The following ARID1B variants were observed in gnomAD, a reference collection of about 807,000 sequenced individuals.
ARID1B encodes the protein AT-rich interaction domain 1B.
A neutral mutation model predicts 212.3 loss-of-function variants in ARID1B; 30 were observed. The observed-to-expected ratio is 0.14, with a 90% CI of 0.11 to 0.19. The LOEUF is 0.19. Among genes scored for constraint, ARID1B ranks in the 10% least tolerant of loss-of-function variants. ARID1B has a pLI of 1.00. For missense variants in ARID1B, 2,891 were observed against 3,204.0 expected (o/e 0.90, Z 2.36); for synonymous variants, 1,402 against 1,301.7 (o/e 1.08, Z -1.66).
intron 2 of ARID1B, 78 bp downstream of exon 2, chr6:156,829,499 G>A (rs1345651290): frequency 2.0e-5 from 28 of 1,401,242 alleles, no homozygotes; most frequent in Non-Finnish European, 2.7e-5. Flanking sequence ...TAAGATTGAT[G>A]TTAAAGAGAA....
At chr6:156,951,271 A>G (rs953786418) in intron 4 of ARID1B, among the ~76,000 whole-genome samples, 1 of 152,212 alleles carries the variant, frequency 6.6e-6, no homozygotes, top group Admixed American at 6.5e-5. Context: ...GACTGCTCCA[A>G]GCGGATTACA....
chr6:157,004,561 T>G (rs1011045512), intron 4 of ARID1B, among the ~76,000 whole-genome samples: 1 of 152,188 alleles, frequency 6.6e-6, no homozygotes, highest in African/African-American at 2.4e-5. Context: ...TTTTGAAATT[T>G]TAAAACATAC....
At chr6:157,154,317 G>A (rs2128650607) in intron 8 of ARID1B, among the ~76,000 whole-genome samples, 1 of 152,278 alleles carries the variant, frequency 6.6e-6, no homozygotes, top group African/African-American at 2.4e-5. Context: ...TGAGTGACTT[G>A]AGATTGTGTC....
chr6:156,835,809 A>G (rs973803071), intron 2 of ARID1B, among the ~76,000 whole-genome samples: 2 of 152,088 alleles, frequency 1.3e-5, no homozygotes, highest in Non-Finnish European at 2.9e-5. Flanking sequence ...TGGCATGAAC[A>G]TGGCTCACTG....
intron 9 of ARID1B, chr6:157,168,840 G>A (rs1791510971): frequency 6.6e-6 from 1 of 152,186 alleles, no homozygotes; most frequent in South Asian, 2.1e-4. Context: ...GGGTGGTAGT[G>A]TATTTTTTTA....
intron 4 of ARID1B, among the ~76,000 whole-genome samples, chr6:157,073,833 G>A (rs1228406271): frequency 2.0e-5 from 3 of 152,210 alleles, no homozygotes; most frequent in Admixed American, 6.5e-5. Flanking sequence ...AGATCTTGGT[G>A]CCAGACAGAT....
chr6:156,820,547 A>G (rs1006619431), intron 1 of ARID1B, among the ~76,000 whole-genome samples: 1 of 152,216 alleles, frequency 6.6e-6, no homozygotes, highest in African/African-American at 2.4e-5. Context: ...AAAGAGATTT[A>G]GGAAGTTCTT....
chr6:157,101,525 A>T (rs1786046520), intron 5 of ARID1B, among the ~76,000 whole-genome samples: 1 of 152,220 alleles, frequency 6.6e-6, no homozygotes, highest in Non-Finnish European at 1.5e-5. Context: ...CAAGAAAATT[A>T]TCCAAATTTC....
chr6:157,050,530 C>G (rs1361919789), intron 4 of ARID1B, among the ~76,000 whole-genome samples: 1 of 151,810 alleles, frequency 6.6e-6, no homozygotes, highest in African/African-American at 2.4e-5. Context: ...GGCGACAGAG[C>G]GAGAATCTTA....
chr6:156,910,006 A>G (rs1021352366), intron 3 of ARID1B, among the ~76,000 whole-genome samples: 4 of 152,210 alleles, frequency 2.6e-5, no homozygotes, highest in Admixed American at 2.6e-4. Flanking sequence ...TGGTGAGCAC[A>G]ACACATGCTG....
chr6:157,075,320 T>C (rs1166381859), intron 4 of ARID1B, among the ~76,000 whole-genome samples: 1 of 152,246 alleles, frequency 6.6e-6, no homozygotes, highest in East Asian at 1.9e-4. Context: ...CCATCTGTAA[T>C]CTAGTTAAGC....
chr6:157,103,435 A>T (rs77343245), intron 5 of ARID1B, among the ~76,000 whole-genome samples: 1,997 of 152,322 alleles, frequency 0.013, 53 homozygotes, highest in African/African-American at 0.045. Context: ...AGTTGTAAAA[A>T]ATCGTAGAAC....
chr6:156,794,533 C>T (rs933122692), intron 1 of ARID1B, among the ~76,000 whole-genome samples: 9 of 141,092 alleles, frequency 6.4e-5, no homozygotes, highest in South Asian at 2.4e-4. Context: ...GGAGTCTGGG[C>T]GTAGTCATTC....
chr6:157,161,136 C>T (rs1308603758), intron 8 of ARID1B, among the ~76,000 whole-genome samples: 4 of 152,108 alleles, frequency 2.6e-5, no homozygotes, highest in Admixed American at 2.6e-4. Flanking sequence ...AGCATGTCTC[C>T]CTGAGCAAAA....
intron 4 of ARID1B, among the ~76,000 whole-genome samples, chr6:156,995,427 T>G (rs1413928507): frequency 6.6e-6 from 1 of 152,222 alleles, no homozygotes; most frequent in Non-Finnish European, 1.5e-5. Context: ...CTTGAATAAG[T>G]AGGAGAGTTT....
chr6:156,969,110 A>T (rs977147364), intron 4 of ARID1B, among the ~76,000 whole-genome samples: 2 of 152,234 alleles, frequency 1.3e-5, no homozygotes, highest in African/African-American at 4.8e-5. Flanking sequence ...TTTCTGGCAA[A>T]TGCATTCCAG....
At chr6:157,039,518 G>C (rs1246521854) in intron 4 of ARID1B, among the ~76,000 whole-genome samples, 1 of 151,680 alleles carries the variant, frequency 6.6e-6, no homozygotes, top group Non-Finnish European at 1.5e-5. Flanking sequence ...TTTTAGTAGA[G>C]ACGGGGTTTC....
chr6:157,022,458 C>T (rs1020659778), intron 4 of ARID1B: 1 of 152,218 alleles, frequency 6.6e-6, no homozygotes, highest in African/African-American at 2.4e-5. Flanking sequence ...CGGGATATTA[C>T]TTTTCATCCT....
intron 1 of ARID1B, among the ~76,000 whole-genome samples, chr6:156,825,022 G>A (rs914093543): frequency 2.6e-5 from 4 of 152,042 alleles, no homozygotes; most frequent in African/African-American, 9.7e-5. Flanking sequence ...CCGCCACCAT[G>A]CCTGGCTAAT....
Sources: gnomAD v4.1 joint callset for allele counts (sites outside exome capture counted in the v4.1 genomes callset) on GRCh38, gnomAD v4.1.1 for gene constraint, MANE v1.5 for transcripts, NCBI Gene and HGNC (gene_info 2026-07-23, HGNC 2026-07-21) for gene names.